DKK2: variants seen among roughly 807,000 people sequenced by gnomAD.
The protein encoded by DKK2 is dickkopf Wnt signaling pathway inhibitor 2, also known as dickkopf-related protein 2.
In DKK2, 11 loss-of-function variants were observed where a neutral mutation model predicts 28.1. The observed-to-expected ratio is 0.39, with a 90% CI of 0.25 to 0.65. The LOEUF is 0.65. DKK2 is among the 30% of genes least tolerant of loss of function. The probability of loss-of-function intolerance (pLI) is 0.47; values close to 1 mark genes in which losing one functional copy is unlikely to be tolerated. For missense variants in DKK2, 326 were observed against 335.5 expected (o/e 0.97, Z 0.22); for synonymous variants, 135 against 126.5 (o/e 1.07, Z -0.45).
chr4:107,027,608 G>A (rs1325736001), intron 1 of DKK2, among the ~76,000 whole-genome samples: 1 of 152,122 alleles, frequency 6.6e-6, no homozygotes, highest in Non-Finnish European at 1.5e-5. Flanking sequence ...TGTAGAAAGT[G>A]TCAAGAATCT....
rs1724384674 is a variant in DKK2 at position 106,923,902 on chromosome 4, C to T, written c.*52G>A. On this transcript the variant is annotated 3_prime_UTR_variant, in exon 4 of 4. Coordinates refer to ENST00000285311, the MANE Select transcript of DKK2 (RefSeq NM_014421.3). ...CCTTATTTTCCACCATGCTATAATGCATTAAATACACAACTTCACAGTCTG... is the reference window on the plus strand; with the variant it reads ...CCTTATTTTCCACCATGCTATAATGTATTAAATACACAACTTCACAGTCTG... 6.2e-7 allele frequency: 1 copy of T among 1,600,292 alleles called. No individual in the cohort carries two copies. The highest frequency in any genetic ancestry group is 1.1e-5 in the South Asian group (1 of 90,218).
At chr4:107,022,976 T>C (rs2187352) in intron 1 of DKK2, among the ~76,000 whole-genome samples, 32,083 of 151,948 alleles carry the variant, frequency 0.21, 3,938 homozygotes, top group East Asian at 0.53. Flanking sequence ...ATACTGTTTT[T>C]AGTTTTGGAA....
In DKK2 at chr4:106,923,924, T is replaced by A. The variant is rs200184097; in HGVS notation, c.*30A>T. On this transcript the variant is annotated 3_prime_UTR_variant, in exon 4 of 4. Transcript: ENST00000285311. The stretch of plus-strand genomic sequence containing the variant: ...ATGCATTAAATACACAACTTCACAG[T>A]CTGCAATTGATGATGTTCCTCAATG... 136 of 1,608,512 alleles carry A rather than the reference T, an allele frequency of 8.5e-5. No homozygotes were observed. Among genetic ancestry groups the A allele is most frequent in the Non-Finnish European group, 1.1e-4 (124 of 1,175,328 alleles).
rs17037166 is a variant in DKK2 at position 106,980,027 on chromosome 4, G to T, written c.223-54078C>A. Among the ~76,000 whole-genome samples the T allele has an allele frequency of 1.9e-3, 289 of 152,264 alleles. 1 individual carries two copies. The highest frequency in any genetic ancestry group is 6.6e-3 in the African/African-American group (273 of 41,544). ...ACATCATTTTGGTGTCCATATCATG[G>T]TTACTGCTATACCAACTTATATTAC... On this transcript the variant is annotated intron_variant, in intron 1 of 3. Transcript: ENST00000285311.
intron 1 of DKK2, among the ~76,000 whole-genome samples, chr4:106,929,458 G>A (rs1333093115): frequency 1.3e-5 from 2 of 152,146 alleles, no homozygotes; most frequent in Non-Finnish European, 2.9e-5. Context: ...TTAGCTTCAT[G>A]CAGAATCATT....
chr4:106,954,345 C>T (rs950391628), intron 1 of DKK2, among the ~76,000 whole-genome samples: 1 of 151,984 alleles, frequency 6.6e-6, no homozygotes, highest in African/African-American at 2.4e-5. Flanking sequence ...ATAGTATTAT[C>T]ACTTCTTTAT....
Position 107,001,682 on chromosome 4 carries a change from G to T in DKK2, c.222+33688C>A, listed in dbSNP as rs957664682. 6.6e-5 allele frequency among the ~76,000 whole-genome samples: 10 copies of T among 152,130 alleles called. 1 individual carries two copies. Among genetic ancestry groups the T allele is most frequent in the Admixed American group, 5.9e-4 (9 of 15,254 alleles). On this transcript the variant is annotated intron_variant, in intron 1 of 3. Transcript: ENST00000285311. ...TATTCACAGGTTTTAAAGTCTAGAG[G>T]GCAGAGACCATGGATTACCATGTTT...
At chr4:107,003,735 C>A (rs916361908) in intron 1 of DKK2, among the ~76,000 whole-genome samples, 1 of 152,208 alleles carries the variant, frequency 6.6e-6, no homozygotes, top group African/African-American at 2.4e-5. Flanking sequence ...TAGTATAAAA[C>A]TAACCTGTCT....
rs377576642 is a variant in DKK2 at position 107,034,439 on chromosome 4, C to T, written c.222+931G>A. ...CCCACAGAGCCCCCTCTCCTGGCCA[C>T]AGCGCGCCAGCCACAACTGGTACCG... On this transcript the variant is annotated intron_variant, in intron 1 of 3. Transcript: ENST00000285311. 9.2e-5 allele frequency among the ~76,000 whole-genome samples: 14 copies of T among 152,298 alleles called. No homozygotes were observed. The East Asian group carries it at 1.9e-3, about 21-fold the overall frequency.
At chr4:107,031,444 A>G (rs1723874094) in intron 1 of DKK2, among the ~76,000 whole-genome samples, 1 of 152,038 alleles carries the variant, frequency 6.6e-6, no homozygotes, top group South Asian at 2.1e-4. Context: ...TACAAATATT[A>G]GTGCTCTTTA....
chr4:106,931,429 G>GA (rs2110340372), intron 1 of DKK2, among the ~76,000 whole-genome samples: 1 of 151,796 alleles, frequency 6.6e-6, no homozygotes, highest in Non-Finnish European at 1.5e-5. Flanking sequence ...AAATAATTTT[G>GA]AAAAAAACAT....
At chr4:107,028,657 T>C (rs980774089) in intron 1 of DKK2, among the ~76,000 whole-genome samples, 1 of 152,224 alleles carries the variant, frequency 6.6e-6, no homozygotes, top group Non-Finnish European at 1.5e-5. Flanking sequence ...GAAATTGTAG[T>C]GCTGTGATGT....
At chr4:107,028,888 G>T (rs575384926) in intron 1 of DKK2, among the ~76,000 whole-genome samples, 1 of 152,168 alleles carries the variant, frequency 6.6e-6, no homozygotes, top group Non-Finnish European at 1.5e-5. Context: ...TGAGGACAGG[G>T]GAGTTTGTTG....
chr4:106,947,149 A>G (rs1724789386), intron 1 of DKK2, among the ~76,000 whole-genome samples: 1 of 152,148 alleles, frequency 6.6e-6, no homozygotes, highest in African/African-American at 2.4e-5. Flanking sequence ...TGGAGTGGGC[A>G]TGGGCAAACG....
chr4:106,961,015 G>A (rs17431715), intron 1 of DKK2, among the ~76,000 whole-genome samples: 7,681 of 152,054 alleles, frequency 0.051, 248 homozygotes, highest in Middle Eastern at 0.13. Flanking sequence ...CCAAGCATTC[G>A]CTCTTTCTCT....
intron 1 of DKK2, among the ~76,000 whole-genome samples, chr4:106,994,739 A>G (rs1195564340): frequency 2.6e-5 from 4 of 152,186 alleles, no homozygotes; most frequent in Admixed American, 2.6e-4. Context: ...TAATGCTTTA[A>G]TGGCTACCAC....
intron 1 of DKK2, among the ~76,000 whole-genome samples, chr4:106,956,240 A>T (rs1722588144): frequency 6.6e-6 from 1 of 152,208 alleles, no homozygotes; most frequent in African/African-American, 2.4e-5. Flanking sequence ...ACCACTGCTC[A>T]ATGAAATAAA....
intron 1 of DKK2, among the ~76,000 whole-genome samples, chr4:106,995,341 G>A (rs1364375263): frequency 1.3e-5 from 2 of 151,926 alleles, no homozygotes; most frequent in South Asian, 2.1e-4. Context: ...AATTAAAACC[G>A]TATCTCAGAA....
At chr4:106,983,359 A>AGAAAGAAAGAAAGAAAGAAT (rs1560585837) in intron 1 of DKK2, among the ~76,000 whole-genome samples, 21 of 141,130 alleles carry the variant, frequency 1.5e-4, no homozygotes, top group African/African-American at 3.6e-4. Flanking sequence ...AAAGAAAGAA[A>AGAAAGAAAGAAAGAAAGAAT]GAAAGAAAGA....
Sources: gnomAD v4.1 joint callset for allele counts (sites outside exome capture counted in the v4.1 genomes callset) on GRCh38, gnomAD v4.1.1 for gene constraint, MANE v1.5 for transcripts, NCBI Gene and HGNC (gene_info 2026-07-23, HGNC 2026-07-21) for gene names.